Variants in DDAH1 observed in about 807,000 individuals in gnomAD.
DDAH1 encodes the protein N(G),N(G)-dimethylarginine dimethylaminohydrolase 1.
Under a neutral mutation model 28.8 loss-of-function variants are expected in DDAH1, and 19 were observed. The observed-to-expected ratio is 0.66, with a 90% CI of 0.46 to 0.97. The LOEUF (loss-of-function observed/expected upper bound fraction) is 0.97. DDAH1 is among the 50% of genes least tolerant of loss of function. The pLI is 0.00. For synonymous variants in DDAH1, 153 were observed against 154.4 expected (o/e 0.99, Z 0.07); for missense variants, 326 against 375.9 (o/e 0.87, Z 1.10).
upstream of DDAH1, among the ~76,000 whole-genome samples, chr1:85,466,899 G>A (rs544153790): frequency 5.9e-5 from 7 of 119,572 alleles, no homozygotes; most frequent in Admixed American, 2.4e-4. Flanking sequence ...GTGCAATGGC[G>A]CGATCTCAGC....
At chr1:85,476,187 T>A (rs916873611) in intron 2 of DDAH1, among the ~76,000 whole-genome samples, 1 of 152,212 alleles carries the variant, frequency 6.6e-6, no homozygotes, top group Non-Finnish European at 1.5e-5. Flanking sequence ...CACGCTTCTT[T>A]ATTTTGCCCT....
At chr1:85,354,759 C>A (rs993881015) in intron 2 of DDAH1, among the ~76,000 whole-genome samples, 6 of 151,650 alleles carry the variant, frequency 4.0e-5, no homozygotes, top group African/African-American at 1.5e-4. Flanking sequence ...ACAAAAATAT[C>A]CACATAAAAA....
chr1:85,410,785 TG>T (rs1238240509), intron 1 of DDAH1, among the ~76,000 whole-genome samples: 2 of 152,240 alleles, frequency 1.3e-5, no homozygotes, highest in Non-Finnish European at 2.9e-5. Context: ...AAGAATACTT[TG>T]ATTCTCAATT....
intron 2 of DDAH1, chr1:85,493,613 TG>T (rs1329528134): frequency 6.6e-6 from 1 of 152,216 alleles, no homozygotes; most frequent in Non-Finnish European, 1.5e-5. Flanking sequence ...TTTAAAATTC[TG>T]ACATTCCAAA....
At chr1:85,445,255 A>G (rs1156483136) in intron 1 of DDAH1, among the ~76,000 whole-genome samples, 1 of 152,164 alleles carries the variant, frequency 6.6e-6, no homozygotes, top group Admixed American at 6.6e-5. Context: ...ACTCAGTATT[A>G]AGCATCACAG....
chr1:85,555,642 C>T (rs1295603515), intron 1 of DDAH1, among the ~76,000 whole-genome samples: 2 of 152,154 alleles, frequency 1.3e-5, no homozygotes, highest in African/African-American at 4.8e-5. Flanking sequence ...ACAGAATATT[C>T]AGAGTGGCTG....
intron 1 of DDAH1, among the ~76,000 whole-genome samples, chr1:85,415,319 G>C (rs555689713): frequency 1.3e-5 from 2 of 152,048 alleles, no homozygotes; most frequent in African/African-American, 4.8e-5. Flanking sequence ...CTGGCCAAGC[G>C]GCACTTTTAC....
intron 1 of DDAH1, among the ~76,000 whole-genome samples, chr1:85,508,660 G>C (rs915489793): frequency 3.3e-5 from 5 of 152,222 alleles, no homozygotes; most frequent in Non-Finnish European, 5.9e-5. Context: ...GGCAGACAAC[G>C]TGATTCTCTC....
chr1:85,381,398 G>A (rs1230449680), intron 1 of DDAH1, among the ~76,000 whole-genome samples: 1 of 150,352 alleles, frequency 6.7e-6, no homozygotes, highest in Non-Finnish European at 1.5e-5. Flanking sequence ...TGGTTATATG[G>A]ATAAGTTCTT....
rs1661228332 is a variant in DDAH1, at chr1:85,319,324, G to C, written c.*2128C>G. 2 of 152,164 alleles carry C rather than the reference G, an allele frequency of 1.3e-5. No homozygotes were observed. The highest frequency in any genetic ancestry group is 4.1e-4 in the South Asian group (2 of 4,834). 9.4% of individuals were successfully genotyped at this position (152,164 alleles called of 1,614,324 possible). A position where few individuals can be genotyped will look rare whatever the true frequency, so the allele number is the denominator to read the frequency against. On this transcript the variant is annotated 3_prime_UTR_variant, in exon 6 of 6. Coordinates refer to ENST00000284031, the MANE Select transcript of DDAH1 (RefSeq NM_012137.4). ...CAGAAAGAAGCAAAAGAAAGGAAAA[G>C]TGAAAAACAGCCTTCTGCAGAACAA...
At chr1:85,379,835 T>C (rs1250693215) in intron 1 of DDAH1, 1 of 396,728 alleles carries the variant, frequency 2.5e-6, no homozygotes, top group African/African-American at 2.2e-5. Flanking sequence ...CCTCACTCTT[T>C]TCCACGTTTC....
intron 4 of DDAH1, among the ~76,000 whole-genome samples, chr1:85,348,356 T>C (rs1648994380): frequency 6.6e-6 from 1 of 152,158 alleles, no homozygotes; most frequent in Non-Finnish European, 1.5e-5. Context: ...TTTCCAATGT[T>C]GGTCCAACAT....
intron 2 of DDAH1, among the ~76,000 whole-genome samples, chr1:85,480,370 C>T (rs1238171696): frequency 6.6e-6 from 1 of 152,190 alleles, no homozygotes; most frequent in Admixed American, 6.5e-5. Flanking sequence ...CAATTCAATA[C>T]TTTTATATTA....
chr1:85,422,267 G>T (rs1653181413), intron 1 of DDAH1, among the ~76,000 whole-genome samples: 1 of 152,098 alleles, frequency 6.6e-6, no homozygotes, highest in South Asian at 2.1e-4. Context: ...TCTTATTGCT[G>T]TGTTTTAAGA....
At chr1:85,418,897 A>C (rs777195072) in intron 1 of DDAH1, among the ~76,000 whole-genome samples, 6 of 152,308 alleles carry the variant, frequency 3.9e-5, no homozygotes, top group South Asian at 2.1e-4. Context: ...AGCCAGTCAT[A>C]TCTCTCCAAC....
chr1:85,460,268 A>G (rs945797931), intron 1 of DDAH1, among the ~76,000 whole-genome samples: 1 of 152,214 alleles, frequency 6.6e-6, no homozygotes, highest in African/African-American at 2.4e-5. Flanking sequence ...TATAGGTCCT[A>G]CTAAGTACCC....
intron 1 of DDAH1, among the ~76,000 whole-genome samples, chr1:85,373,495 C>A (rs1293311656): frequency 6.6e-6 from 1 of 152,078 alleles, no homozygotes; most frequent in Non-Finnish European, 1.5e-5. Flanking sequence ...TGAGTGAGTT[C>A]TCACGAGATC....
intron 4 of DDAH1, among the ~76,000 whole-genome samples, chr1:85,338,795 C>T (rs1648286883): frequency 6.6e-6 from 1 of 151,614 alleles, no homozygotes; most frequent in Non-Finnish European, 1.5e-5. Context: ...AATTCCAGCA[C>T]TTTGGGAGGC....
chr1:85,379,462 G>A (rs1331087826), intron 1 of DDAH1: 1 of 335,954 alleles, frequency 3.0e-6, no homozygotes, highest in Non-Finnish European at 4.2e-6. Context: ...ATAGTGACAG[G>A]TAGAGATAAT....
Sources: allele counts gnomAD v4.1 joint callset (sites outside exome capture counted in the v4.1 genomes callset), GRCh38; gene constraint gnomAD v4.1.1; transcripts MANE v1.5; gene names NCBI Gene and HGNC (gene_info 2026-07-23, HGNC 2026-07-21).